The following ADCK1 variants were observed in gnomAD, a reference collection of about 807,000 sequenced individuals.
The protein encoded by ADCK1 is aarF domain containing kinase 1.
Under a neutral mutation model 52.3 loss-of-function variants are expected in ADCK1, and 41 were observed. The ratio of observed to expected loss-of-function variants is 0.78; its 90% confidence interval spans 0.61 to 1.02. The LOEUF (loss-of-function observed/expected upper bound fraction) is 1.02, where lower values mean the gene tolerates loss of function less well. Ranked by LOEUF, ADCK1 falls within the 50% of genes least tolerant of loss-of-function variation. The probability of loss-of-function intolerance (pLI) is 0.00; values close to 1 mark genes in which losing one functional copy is unlikely to be tolerated. For missense variants in ADCK1, 658 were observed against 679.5 expected (o/e 0.97, Z 0.35); for synonymous variants, 250 against 274.6 (o/e 0.91, Z 0.89).
At chr14:77,903,724 G>A (rs2083598244) in intron 6 of ADCK1, among the ~76,000 whole-genome samples, 1 of 152,118 alleles carries the variant, frequency 6.6e-6, no homozygotes, top group Non-Finnish European at 1.5e-5. Context: ...GCAGGGCCAT[G>A]CCAGGGTTCC....
At chr14:77,931,920 C>T (rs527454777) in intron 10 of ADCK1, among the ~76,000 whole-genome samples, 50 of 152,336 alleles carry the variant, frequency 3.3e-4, no homozygotes, top group Admixed American at 2.6e-3. Context: ...GTCAGGAAGC[C>T]GTGATGTGTA....
At chr14:77,865,731 A>G (rs1182503592) in intron 4 of ADCK1, among the ~76,000 whole-genome samples, 1 of 152,186 alleles carries the variant, frequency 6.6e-6, no homozygotes, top group Non-Finnish European at 1.5e-5. Context: ...GGCCTTGGGC[A>G]TGTTACTTAA....
intron 7 of ADCK1, among the ~76,000 whole-genome samples, chr14:77,921,326 C>CAAAAAAAAAAAATAAA (rs2084048662): frequency 2.4e-5 from 1 of 41,208 alleles, no homozygotes; most frequent in African/African-American, 6.9e-5. Context: ...GACTCTGTCT[C>CAAAAAAAAAAAATAAA]AAAAAAAAAA....
chr14:77,929,523 C>T (rs979470252), intron 9 of ADCK1, among the ~76,000 whole-genome samples: 2 of 152,214 alleles, frequency 1.3e-5, no homozygotes, highest in African/African-American at 4.8e-5. Context: ...TGACGCAGGT[C>T]ACGTGTCCAT....
chr14:77,911,973 A>C (rs1046102489), intron 7 of ADCK1, among the ~76,000 whole-genome samples: 1 of 152,178 alleles, frequency 6.6e-6, no homozygotes. Context: ...AGTCATTTCT[A>C]GCTCCCTGGC....
chr14:77,803,697 T>C (rs571274673), intron 1 of ADCK1, among the ~76,000 whole-genome samples: 1 of 152,306 alleles, frequency 6.6e-6, no homozygotes, highest in Admixed American at 6.5e-5. Context: ...CATTGGTTGA[T>C]CTTGTGACAT....
At chr14:77,885,692 G>T (rs540859056) in intron 4 of ADCK1, among the ~76,000 whole-genome samples, 1 of 152,298 alleles carries the variant, frequency 6.6e-6, no homozygotes, top group African/African-American at 2.4e-5. Flanking sequence ...TGTGCAGACT[G>T]AATAGACTTC....
chr14:77,885,971 T>C (rs2083137869), intron 4 of ADCK1, among the ~76,000 whole-genome samples: 1 of 152,148 alleles, frequency 6.6e-6, no homozygotes, highest in African/African-American at 2.4e-5. Flanking sequence ...GGTATGGCAT[T>C]TCTAAGAGGG....
intron 3 of ADCK1, among the ~76,000 whole-genome samples, chr14:77,849,842 C>T (rs973376480): frequency 2.0e-5 from 3 of 152,120 alleles, no homozygotes; most frequent in African/African-American, 7.2e-5. Flanking sequence ...ATATTTTATA[C>T]ATTTTGATCC....
At chr14:77,835,259 C>A (rs1214157917) in intron 3 of ADCK1, among the ~76,000 whole-genome samples, 1 of 152,126 alleles carries the variant, frequency 6.6e-6, no homozygotes, top group East Asian at 1.9e-4. Flanking sequence ...TATTTAAGAC[C>A]TAAGACAAAG....
At chr14:77,861,279 C>T (rs2082540195) in intron 4 of ADCK1, among the ~76,000 whole-genome samples, 1 of 152,186 alleles carries the variant, frequency 6.6e-6, no homozygotes, top group Non-Finnish European at 1.5e-5. Flanking sequence ...CAGGCACACA[C>T]TCTGTCTTCC....
At chr14:77,864,719 A>G (rs954237494) in intron 4 of ADCK1, among the ~76,000 whole-genome samples, 1 of 151,990 alleles carries the variant, frequency 6.6e-6, no homozygotes, top group Non-Finnish European at 1.5e-5. Context: ...AGAGAGAGAG[A>G]GAGAGACTGA....
At chr14:77,873,316 G>A (rs1160551290) in intron 4 of ADCK1, among the ~76,000 whole-genome samples, 1 of 152,230 alleles carries the variant, frequency 6.6e-6, no homozygotes, top group Non-Finnish European at 1.5e-5. Flanking sequence ...CTTTATTCAT[G>A]GAGCTTCAGA....
chr14:77,852,037 T>G (rs1338306064), intron 3 of ADCK1, among the ~76,000 whole-genome samples: 1 of 152,050 alleles, frequency 6.6e-6, no homozygotes, highest in Non-Finnish European at 1.5e-5. Context: ...CTCGCTCTGT[T>G]GCCCAGGCTG....
At chr14:77,892,659 C>T (rs1665345307) in intron 5 of ADCK1, among the ~76,000 whole-genome samples, 1 of 150,866 alleles carries the variant, frequency 6.6e-6, no homozygotes, top group South Asian at 2.1e-4. Context: ...AAAAAGAGAT[C>T]CCTAGCAGAG....
chr14:77,862,832 C>T (rs1000662498), intron 4 of ADCK1, among the ~76,000 whole-genome samples: 2 of 152,164 alleles, frequency 1.3e-5, no homozygotes, highest in African/African-American at 4.8e-5. Context: ...GAGGTTCACT[C>T]ATCATGGTAA....
At chr14:77,927,714 G>T (rs2084229192) in intron 9 of ADCK1, among the ~76,000 whole-genome samples, 1 of 152,200 alleles carries the variant, frequency 6.6e-6, no homozygotes, top group East Asian at 1.9e-4. Flanking sequence ...AAAGGCACCA[G>T]TTCCAGGAAG....
At chr14:77,878,930 C>CA (rs1035956111) in intron 4 of ADCK1, among the ~76,000 whole-genome samples, 1 of 150,626 alleles carries the variant, frequency 6.6e-6, no homozygotes, top group Admixed American at 6.7e-5. Context: ...CCCTTCCCCC[C>CA]CCACGAATGA....
chr14:77,896,590 G>A (rs145495070), intron 5 of ADCK1, among the ~76,000 whole-genome samples: 16 of 152,204 alleles, frequency 1.1e-4, no homozygotes, highest in Middle Eastern at 3.2e-3. Context: ...TCTGTTTCCC[G>A]TTCACTTGCT....
Sources: allele counts gnomAD v4.1 joint callset (sites outside exome capture counted in the v4.1 genomes callset), GRCh38; gene constraint gnomAD v4.1.1; transcripts MANE v1.5; gene names NCBI Gene and HGNC (gene_info 2026-07-23, HGNC 2026-07-21).